CMTM8: variants seen among roughly 807,000 people sequenced by gnomAD.
CMTM8 encodes the protein CKLF-like MARVEL transmembrane domain-containing protein 8.
Under a neutral mutation model 18.6 loss-of-function variants are expected in CMTM8, and 12 were observed. The ratio of observed to expected loss-of-function variants is 0.65; its 90% CI spans 0.41 to 1.05. The LOEUF (loss-of-function observed/expected upper bound fraction) is 1.05, where lower values mean the gene tolerates loss of function less well. Among genes scored for constraint, CMTM8 ranks in the 50% least tolerant of loss-of-function variants. CMTM8 has a pLI of 0.00. For synonymous variants in CMTM8, 87 were observed against 90.6 expected (o/e 0.96, Z 0.23); for missense variants, 217 against 227.2 (o/e 0.95, Z 0.29).
At chr3:32,369,694 C>T (rs1220254109) in intron 3 of CMTM8, among the ~76,000 whole-genome samples, 190 bp from the exon 4 acceptor site, 1 of 152,088 alleles carries the variant, frequency 6.6e-6, no homozygotes, top group Non-Finnish European at 1.5e-5. Context: ...AGATGTTCTC[C>T]GAAATAAAAA....
chr3:32,297,068 G>A (rs1702893368), intron 1 of CMTM8, among the ~76,000 whole-genome samples: 2 of 152,224 alleles, frequency 1.3e-5, no homozygotes, highest in Admixed American at 1.3e-4. Context: ...CTTAGGATGT[G>A]TTGATGCAAA....
At chr3:32,244,103 G>A (rs1053904125) in intron 1 of CMTM8, 6 of 154,746 alleles carry the variant, frequency 3.9e-5, no homozygotes, top group Non-Finnish European at 8.6e-5. Context: ...GGGAGCTGTG[G>A]AAGGTCAGGT....
At chr3:32,341,948 T>C (rs905882511) in intron 1 of CMTM8, among the ~76,000 whole-genome samples, 4 of 151,844 alleles carry the variant, frequency 2.6e-5, no homozygotes, top group African/African-American at 9.7e-5. Context: ...AAAATCATCA[T>C]GATAAAACCT....
At chr3:32,243,444 T>G (rs1208651699) in intron 1 of CMTM8, among the ~76,000 whole-genome samples, 1 of 149,716 alleles carries the variant, frequency 6.7e-6, no homozygotes, top group Non-Finnish European at 1.5e-5. Flanking sequence ...GGCAGAAGGA[T>G]CATTTGACCC....
intron 1 of CMTM8, among the ~76,000 whole-genome samples, chr3:32,352,445 C>A (rs183661003): frequency 1.8e-4 from 27 of 152,320 alleles, no homozygotes; most frequent in African/African-American, 6.3e-4. Flanking sequence ...CCATCCTAGA[C>A]CTGAATCACA....
chr3:32,297,431 A>C (rs1196081390), intron 1 of CMTM8, among the ~76,000 whole-genome samples: 2 of 152,162 alleles, frequency 1.3e-5, no homozygotes, highest in African/African-American at 4.8e-5. Flanking sequence ...CCACCCACCT[A>C]TGCCTCCCGA....
chr3:32,318,633 C>A (rs1057372479), intron 1 of CMTM8, among the ~76,000 whole-genome samples: 1 of 144,804 alleles, frequency 6.9e-6, no homozygotes, highest in Non-Finnish European at 1.5e-5. Context: ...GTGGTGCGAT[C>A]TTGGCTCACT....
chr3:32,240,348 C>A (rs1405973355), intron 1 of CMTM8, among the ~76,000 whole-genome samples: 1 of 152,198 alleles, frequency 6.6e-6, no homozygotes, highest in African/African-American at 2.4e-5. Context: ...TTGAGGACTT[C>A]AGGAGACTCA....
At chr3:32,258,145 T>A (rs1325298616) in intron 1 of CMTM8, among the ~76,000 whole-genome samples, 1 of 151,978 alleles carries the variant, frequency 6.6e-6, no homozygotes, top group Admixed American at 6.6e-5. Context: ...TATCTGGGGG[T>A]CTGTTTGGAG....
chr3:32,242,369 C>T (rs925634247), intron 1 of CMTM8, among the ~76,000 whole-genome samples: 2 of 152,180 alleles, frequency 1.3e-5, no homozygotes, highest in African/African-American at 4.8e-5. Context: ...ACTCTGTCAT[C>T]AGGCTGGAGT....
intron 1 of CMTM8, among the ~76,000 whole-genome samples, chr3:32,265,701 C>G (rs866254215): frequency 6.9e-6 from 1 of 145,158 alleles, no homozygotes; most frequent in African/African-American, 2.6e-5. Flanking sequence ...ATTGATAGAC[C>G]GCTAGCAAGA....
intron 2 of CMTM8, among the ~76,000 whole-genome samples, chr3:32,362,056 T>TTTTTTTTTTTTC (rs1305953834): frequency 6.7e-6 from 1 of 148,482 alleles, no homozygotes; most frequent in Non-Finnish European, 1.5e-5. Flanking sequence ...CTTTTTTTTT[T>TTTTTTTTTTTTC]TGGAGATGGA....
At chr3:32,301,317 T>G (rs992890313) in intron 1 of CMTM8, among the ~76,000 whole-genome samples, 1 of 152,122 alleles carries the variant, frequency 6.6e-6, no homozygotes, top group African/African-American at 2.4e-5. Flanking sequence ...ATATGCATAC[T>G]CTATATGAGT....
chr3:32,275,184 G>GTT (rs79212812), intron 1 of CMTM8, among the ~76,000 whole-genome samples: 4 of 144,584 alleles, frequency 2.8e-5, no homozygotes, highest in Non-Finnish European at 3.1e-5. Context: ...TGGGTGTTTG[G>GTT]TTTTTTTTTT....
At chr3:32,288,827 G>A (rs1243993187) in intron 1 of CMTM8, among the ~76,000 whole-genome samples, 5 of 152,162 alleles carry the variant, frequency 3.3e-5, no homozygotes, top group Non-Finnish European at 7.3e-5. Context: ...AGCACCTTTT[G>A]GTTTCCAGTG....
At chr3:32,310,468 G>T (rs2125569060) in intron 1 of CMTM8, among the ~76,000 whole-genome samples, 1 of 152,332 alleles carries the variant, frequency 6.6e-6, no homozygotes, top group South Asian at 2.1e-4. Flanking sequence ...CCAATGAGGG[G>T]TGCCAAAGGA....
chr3:32,254,576 C>T (rs1477388627), intron 1 of CMTM8, among the ~76,000 whole-genome samples: 1 of 151,836 alleles, frequency 6.6e-6, no homozygotes, highest in African/African-American at 2.4e-5. Flanking sequence ...AAAATTTTTA[C>T]CCCAAATTTT....
chr3:32,344,969 T>C (rs942524552), intron 1 of CMTM8, among the ~76,000 whole-genome samples: 3 of 151,986 alleles, frequency 2.0e-5, no homozygotes, highest in Non-Finnish European at 2.9e-5. Context: ...GGTAGGAGGG[T>C]ACACACAAAG....
At position 32,269,565 on chromosome 3, in the gene CMTM8, G is replaced by T. The variant is rs555516287; in HGVS notation, c.147+30446G>T. 5.9e-5 allele frequency among the ~76,000 whole-genome samples: 9 copies of T among 152,188 alleles called. No individual in the cohort carries two copies. In the South Asian group the frequency reaches 1.7e-3, roughly 28 times the overall value. ...TGGTTACTACCAGGCTAGTTTAGCG[G>T]CTAGCCTGTGGAACAAGAACTCAGG... On this transcript the variant is annotated intron_variant, in intron 1 of 3. Transcript: ENST00000307526.
Sources: gnomAD v4.1 joint callset for allele counts (sites outside exome capture counted in the v4.1 genomes callset) on GRCh38, gnomAD v4.1.1 for gene constraint, MANE v1.5 for transcripts, NCBI Gene and HGNC (gene_info 2026-07-23, HGNC 2026-07-21) for gene names.